Variants in TMEM178A observed in about 807,000 individuals in gnomAD.
TMEM178A encodes transmembrane protein 178.
In TMEM178A, 12 loss-of-function variants were observed where a neutral mutation model predicts 29.1. The ratio of observed to expected loss-of-function variants is 0.41; its 90% CI spans 0.26 to 0.67. TMEM178A has a LOEUF of 0.67. TMEM178A is among the 30% of genes least tolerant of loss of function. The probability of loss-of-function intolerance (pLI) is 0.29; values close to 1 mark genes in which losing one functional copy is unlikely to be tolerated. For missense variants in TMEM178A, 366 were observed against 419.1 expected, an observed-to-expected ratio of 0.87 and a Z score of 1.11; for synonymous variants, 210 against 187.2, an observed-to-expected ratio of 1.12 and a Z score of -0.99.
chr2:39,675,778 A>G (rs1473223691), intron 1 of TMEM178A, among the ~76,000 whole-genome samples: 1 of 151,804 alleles, frequency 6.6e-6, no homozygotes, highest in Non-Finnish European at 1.5e-5. Flanking sequence ...TTTATTTCTT[A>G]AAAACGATTT....
intron 3 of TMEM178A, among the ~76,000 whole-genome samples, chr2:39,711,176 T>C (rs958606845): frequency 6.6e-6 from 1 of 152,236 alleles, no homozygotes; most frequent in Non-Finnish European, 1.5e-5. Flanking sequence ...AATAAGACTC[T>C]TATCTTCCAG....
chr2:39,675,198 G>A (rs1222449659), intron 1 of TMEM178A, among the ~76,000 whole-genome samples: 3 of 152,156 alleles, frequency 2.0e-5, no homozygotes, highest in African/African-American at 4.8e-5. Flanking sequence ...ATGTAGGGGT[G>A]GGGGCTTCAT....
At chr2:39,669,574 A>G (rs1188733265) in intron 1 of TMEM178A, among the ~76,000 whole-genome samples, 1 of 152,232 alleles carries the variant, frequency 6.6e-6, no homozygotes, top group South Asian at 2.1e-4. Flanking sequence ...TATCTAGCCC[A>G]GAGCCTGGAA....
At chr2:39,671,236 C>T (rs953423718) in intron 1 of TMEM178A, among the ~76,000 whole-genome samples, 3 of 152,210 alleles carry the variant, frequency 2.0e-5, no homozygotes, top group South Asian at 2.1e-4. Flanking sequence ...TCACTCTGCT[C>T]ATGATTTATC....
At chr2:39,688,252 A>C (rs1671162701) in intron 1 of TMEM178A, among the ~76,000 whole-genome samples, 1 of 152,238 alleles carries the variant, frequency 6.6e-6, no homozygotes, top group Non-Finnish European at 1.5e-5. Context: ...CAATAAAAGC[A>C]GGATTATCAT....
chr2:39,728,733 TA>T, the TMEM178A span, among the ~76,000 whole-genome samples: 1 of 151,446 alleles, frequency 6.6e-6, no homozygotes, highest in African/African-American at 2.4e-5. Flanking sequence ...TTTTTTTTTT[TA>T]ACCCATCGTT....
intron 1 of TMEM178A, among the ~76,000 whole-genome samples, chr2:39,668,152 C>T (rs1482776019): frequency 6.6e-6 from 1 of 152,172 alleles, no homozygotes; most frequent in Admixed American, 6.5e-5. Context: ...ACTGAGGTGC[C>T]AGTTCCAGGG....
chr2:39,723,358 C>T, the TMEM178A span, among the ~76,000 whole-genome samples: 1 of 152,140 alleles, frequency 6.6e-6, no homozygotes. Context: ...CTCATTTCTC[C>T]TCTAAGCCCT....
intron 1 of TMEM178A, among the ~76,000 whole-genome samples, chr2:39,692,116 A>T (rs988852132): frequency 1.3e-5 from 2 of 152,216 alleles, no homozygotes; most frequent in African/African-American, 4.8e-5. Context: ...AACTCATAAA[A>T]GCAGAGAATA....
chr2:39,694,149 A>ATAG (rs985547136), intron 1 of TMEM178A, among the ~76,000 whole-genome samples: 22 of 125,852 alleles, frequency 1.7e-4, no homozygotes, highest in Non-Finnish European at 3.5e-4. Context: ...AAAAGTAGCA[A>ATAG]TAGTAGTAGT....
At position 39,666,300 on chromosome 2, in the gene TMEM178A, C is replaced by T; in HGVS notation, c.326C>T (p.Ala109Val). Reference sequence around the variant, plus strand: ...GCCGAGTGCGGCCGGCCCCTCTTCGCCACCTACTCGGGCCTCTGGAGGAAG... The same window carrying T: ...GCCGAGTGCGGCCGGCCCCTCTTCGTCACCTACTCGGGCCTCTGGAGGAAG... ...LDAECGRPLFATYSGLWRKCY... is the reference protein window; with the variant it reads ...LDAECGRPLFVTYSGLWRKCY... Residue 109 changes from alanine to valine, a missense_variant, in exon 1 of 4, where the codon GCC (alanine) becomes GTC (valine). Physicochemically the swap from Ala to Val is moderately conservative, Grantham distance 64 (BLOSUM62 0). Transcript: ENST00000281961. The T allele has an allele frequency of 7.0e-7, 1 of 1,433,034 alleles. No individual in the cohort carries two copies. The highest frequency in any genetic ancestry group is 9.2e-7 in the Non-Finnish European group (1 of 1,092,468). The allele number at this position is 1,433,034 out of a possible 1,614,324, so 88.8% of individuals were successfully genotyped here. A position where few individuals can be genotyped will look rare whatever the true frequency, so the allele number is the denominator to read the frequency against.
chr2:39,710,796 T>G (rs554089012), intron 3 of TMEM178A, among the ~76,000 whole-genome samples: 2 of 152,238 alleles, frequency 1.3e-5, no homozygotes, highest in Non-Finnish European at 2.9e-5. Flanking sequence ...CTTAGCCCCT[T>G]CTAATGCTCT....
At chr2:39,677,030 G>A (rs1179431787) in intron 1 of TMEM178A, among the ~76,000 whole-genome samples, 1 of 152,108 alleles carries the variant, frequency 6.6e-6, no homozygotes, top group African/African-American at 2.4e-5. Context: ...TCAAAATTGT[G>A]CATTCTAGGG....
intron 3 of TMEM178A, among the ~76,000 whole-genome samples, chr2:39,716,529 T>G (rs1672543940): frequency 6.6e-6 from 1 of 152,182 alleles, no homozygotes; most frequent in Non-Finnish European, 1.5e-5. Flanking sequence ...TAAGGCAACA[T>G]GATAAATATT....
intron 1 of TMEM178A, among the ~76,000 whole-genome samples, chr2:39,698,673 A>T (rs1432991113): frequency 6.6e-6 from 1 of 150,378 alleles, no homozygotes; most frequent in Non-Finnish European, 1.5e-5. Flanking sequence ...TCATAGAAAG[A>T]AGTAGGAAGT....
At chr2:39,672,888 G>C (rs564859160) in intron 1 of TMEM178A, among the ~76,000 whole-genome samples, 2 of 152,256 alleles carry the variant, frequency 1.3e-5, no homozygotes, top group South Asian at 4.2e-4. Context: ...TGTTGGAGGA[G>C]CGTCTGGACA....
intron 2 of TMEM178A, among the ~76,000 whole-genome samples, chr2:39,705,878 C>G (rs1351374347): frequency 6.6e-6 from 1 of 152,166 alleles, no homozygotes; most frequent in Non-Finnish European, 1.5e-5. Flanking sequence ...CGTGCATTTG[C>G]CCAGACCTGT....
chr2:39,728,118 G>T, the TMEM178A span, among the ~76,000 whole-genome samples: 9 of 152,244 alleles, frequency 5.9e-5, no homozygotes, highest in East Asian at 1.7e-3. Flanking sequence ...TCTAGTTCTA[G>T]ATCCTCCAGG....
At chr2:39,688,887 C>T (rs562755737) in intron 1 of TMEM178A, among the ~76,000 whole-genome samples, 1 of 152,248 alleles carries the variant, frequency 6.6e-6, no homozygotes, top group East Asian at 1.9e-4. Flanking sequence ...TGCTATGTAT[C>T]TATAACATAT....
Sources: allele counts gnomAD v4.1 joint callset (sites outside exome capture counted in the v4.1 genomes callset), GRCh38; gene constraint gnomAD v4.1.1; transcripts MANE v1.5; gene names NCBI Gene and HGNC (gene_info 2026-07-23, HGNC 2026-07-21).